ZFHX3: variants seen among roughly 807,000 people sequenced by gnomAD.
ZFHX3 encodes zinc finger homeobox 3.
In ZFHX3, 42 loss-of-function variants were observed where a neutral mutation model predicts 279.1. The observed-to-expected ratio is 0.15, with a 90% CI of 0.12 to 0.19. The LOEUF is 0.19. ZFHX3 is among the 10% of genes least tolerant of loss of function. The pLI, the probability that ZFHX3 is intolerant of heterozygous loss-of-function variation, is 1.00. For synonymous variants in ZFHX3, 2,293 were observed against 1,957.8 expected, an observed-to-expected ratio of 1.17 and a Z score of -4.52; for missense variants, 4,981 against 4,754.0, an observed-to-expected ratio of 1.05 and a Z score of -1.40.
At chr16:73,281,169 A>T (rs1484378619) in intron 4 of ZFHX3, among the ~76,000 whole-genome samples, 1 of 152,228 alleles carries the variant, frequency 6.6e-6, no homozygotes, top group African/African-American at 2.4e-5. Flanking sequence ...TGATGGAAAG[A>T]TATCTGCACT....
chr16:73,044,397 C>T (rs527346315), intron 1 of ZFHX3, among the ~76,000 whole-genome samples: 84 of 152,322 alleles, frequency 5.5e-4, no homozygotes, highest in African/African-American at 1.9e-3. Flanking sequence ...AGCAAGCAAT[C>T]ATTTTAATAA....
intron 1 of ZFHX3, among the ~76,000 whole-genome samples, chr16:73,838,011 G>A (rs1961189707): frequency 6.6e-6 from 1 of 152,200 alleles, no homozygotes; most frequent in African/African-American, 2.4e-5. Context: ...TAAAGCCCCA[G>A]TGTCACTGCC....
intron 1 of ZFHX3, among the ~76,000 whole-genome samples, chr16:73,028,974 C>T (rs1011191063): frequency 1.3e-5 from 2 of 152,132 alleles, no homozygotes; most frequent in East Asian, 3.9e-4. Flanking sequence ...GCAATCCAAA[C>T]AAAGGGGAAA....
intron 3 of ZFHX3, among the ~76,000 whole-genome samples, chr16:73,376,104 C>T (rs1279404562): frequency 1.3e-5 from 2 of 152,216 alleles, no homozygotes; most frequent in Admixed American, 6.5e-5. Context: ...CTTTCCACTA[C>T]AGGTAACTTT....
intron 8 of ZFHX3, chr16:73,093,083 A>T: frequency 1.9e-6 from 1 of 520,036 alleles, no homozygotes; most frequent in Non-Finnish European, 3.8e-6. Context: ...CCTCCCAGAG[A>T]TCCCTTCATT....
intron 2 of ZFHX3, among the ~76,000 whole-genome samples, chr16:73,567,222 T>C (rs1794791344): frequency 6.6e-6 from 1 of 152,070 alleles, no homozygotes; most frequent in Admixed American, 6.5e-5. Flanking sequence ...CATCTGGAGC[T>C]CCTTACTGAT....
chr16:72,975,395 C>A (rs1160470683), intron 1 of ZFHX3, among the ~76,000 whole-genome samples: 2 of 152,082 alleles, frequency 1.3e-5, no homozygotes, highest in African/African-American at 2.4e-5. Context: ...GTGAGCTGAT[C>A]GTGCCACTGC....
chr16:73,018,031 G>A (rs1964167067), intron 1 of ZFHX3, among the ~76,000 whole-genome samples: 1 of 151,106 alleles, frequency 6.6e-6, no homozygotes, highest in African/African-American at 2.4e-5. Flanking sequence ...TGTCACCCAG[G>A]CTGGAGTCCA....
At chr16:73,107,975 C>T (rs999542248) in intron 7 of ZFHX3, among the ~76,000 whole-genome samples, 2 of 152,104 alleles carry the variant, frequency 1.3e-5, no homozygotes, top group Non-Finnish European at 2.9e-5. Flanking sequence ...TCTTGGCTAA[C>T]ACAGTGAAAC....
At chr16:73,165,840 A>G (rs1967351568) in intron 5 of ZFHX3, among the ~76,000 whole-genome samples, 1 of 152,248 alleles carries the variant, frequency 6.6e-6, no homozygotes, top group Admixed American at 6.5e-5. Flanking sequence ...GGCAATTCCC[A>G]ACAATGACAT....
At chr16:73,875,706 A>T (rs927769619) in intron 1 of ZFHX3, among the ~76,000 whole-genome samples, 4 of 152,292 alleles carry the variant, frequency 2.6e-5, no homozygotes, top group Non-Finnish European at 1.5e-5. Flanking sequence ...AAAGTGCTTA[A>T]ATTTAAAAAG....
At chr16:72,977,009 G>C (rs1477744647) in intron 1 of ZFHX3, among the ~76,000 whole-genome samples, 2 of 152,176 alleles carry the variant, frequency 1.3e-5, no homozygotes, top group Non-Finnish European at 2.9e-5. Context: ...GTTTTTCTCT[G>C]GGATGAAGGG....
chr16:73,729,322 T>G (rs929354107), intron 1 of ZFHX3, among the ~76,000 whole-genome samples: 2 of 152,066 alleles, frequency 1.3e-5, no homozygotes, highest in Non-Finnish European at 2.9e-5. Flanking sequence ...AGGTAAGGAG[T>G]TCGAGACCAG....
chr16:72,856,983 C>T (rs769672797), intron 4 of ZFHX3, among the ~76,000 whole-genome samples: 1 of 152,250 alleles, frequency 6.6e-6, no homozygotes, highest in Non-Finnish European at 1.5e-5. Flanking sequence ...TCCACACTGA[C>T]ACCCGCAGGT....
At chr16:73,142,186 T>C (rs1385921862) in intron 6 of ZFHX3, among the ~76,000 whole-genome samples, 1 of 152,186 alleles carries the variant, frequency 6.6e-6, no homozygotes, top group African/African-American at 2.4e-5. Context: ...AGAAACTCAA[T>C]GCTGACCACT....
chr16:73,626,010 A>C (rs1215977680), intron 2 of ZFHX3, among the ~76,000 whole-genome samples: 1 of 152,118 alleles, frequency 6.6e-6, no homozygotes, highest in Non-Finnish European at 1.5e-5. Flanking sequence ...GGTGCCCACC[A>C]CCACGCCTGG....
chr16:73,102,632 T>A (rs895096468), intron 7 of ZFHX3, among the ~76,000 whole-genome samples: 1 of 152,166 alleles, frequency 6.6e-6, no homozygotes, highest in Admixed American at 6.5e-5. Flanking sequence ...ACTGTCAATT[T>A]GTCTGCATTT....
intron 2 of ZFHX3, among the ~76,000 whole-genome samples, chr16:73,522,848 G>A (rs1349758086): frequency 6.6e-6 from 1 of 152,128 alleles, no homozygotes; most frequent in African/African-American, 2.4e-5. Flanking sequence ...TGGTGGAAGG[G>A]GAAGCAAACA....
intron 4 of ZFHX3, among the ~76,000 whole-genome samples, chr16:73,299,838 C>T (rs1207106871): frequency 6.6e-6 from 1 of 152,106 alleles, no homozygotes; most frequent in Non-Finnish European, 1.5e-5. Flanking sequence ...CTCCACTGGC[C>T]CAGCAAAGCA....
Sources: gnomAD v4.1 joint callset for allele counts (sites outside exome capture counted in the v4.1 genomes callset) on GRCh38, gnomAD v4.1.1 for gene constraint, MANE v1.5 for transcripts, NCBI Gene and HGNC (gene_info 2026-07-23, HGNC 2026-07-21) for gene names.